SLC35A5: variants seen among roughly 807,000 people sequenced by gnomAD.
The protein encoded by SLC35A5 is UDP-sugar transporter protein SLC35A5.
In SLC35A5, 28 loss-of-function variants were observed where a neutral mutation model predicts 36.3. That is an observed-to-expected ratio of 0.77 (90% CI 0.57 to 1.06). The LOEUF (loss-of-function observed/expected upper bound fraction) is 1.06. SLC35A5 is among the 50% of genes least tolerant of loss of function. The pLI is 0.00. For synonymous variants in SLC35A5, 180 were observed against 173.7 expected (o/e 1.04, Z -0.29); for missense variants, 521 against 499.3 (o/e 1.04, Z -0.41).
Position 112,584,637 on chromosome 3 carries a change from C to G in SLC35A5, c.*1901C>G, listed in dbSNP as rs1289486656. On this transcript the variant is annotated 3_prime_UTR_variant, in exon 7 of 7. Coordinates refer to ENST00000492406, the MANE Select transcript of SLC35A5 (RefSeq NM_017945.5). The stretch of plus-strand genomic sequence containing the variant: ...AAGAGAAAGAGTGAGAGCACAAGAT[C>G]ATGTGCTGGAACTAAAAATGTTCTA... The G allele has an allele frequency of 9.2e-5, 14 of 152,134 alleles. No homozygotes were observed. Among genetic ancestry groups the G allele is most frequent in the Admixed American group, 9.2e-4 (14 of 15,268 alleles). 9.4% of individuals were successfully genotyped at this position (152,134 alleles called of 1,614,324 possible).
chr3:112,578,600 T>C (rs570814725), intron 5 of SLC35A5, among the ~76,000 whole-genome samples: 20 of 152,326 alleles, frequency 1.3e-4, no homozygotes, highest in Admixed American at 2.0e-4. Flanking sequence ...TACAGGGTAA[T>C]TTATTAAGCT....
At chr3:112,574,004 G>A (rs764402600) in intron 5 of SLC35A5, 48 bp downstream of exon 5, 9 of 1,498,594 alleles carry the variant, frequency 6.0e-6, no homozygotes, top group Non-Finnish European at 8.4e-6. Flanking sequence ...AAATAACATA[G>A]CCCGGTTTCA....
intron 5 of SLC35A5, among the ~76,000 whole-genome samples, chr3:112,575,307 A>G (rs1934616988): frequency 6.6e-6 from 1 of 152,168 alleles, no homozygotes; most frequent in Admixed American, 6.5e-5. Context: ...TGTATAATAT[A>G]AAAATATTAC....
rs766250600 is a variant in SLC35A5, at chr3:112,569,180, A to G, written c.140A>G (p.Tyr47Cys). 1.9e-6 allele frequency: 3 copies of G among 1,612,252 alleles called. No individual in the cohort carries two copies. Among genetic ancestry groups the G allele is most frequent in the African/African-American group, 2.7e-5 (2 of 74,878 alleles). The change falls in exon 3 of 7, where the codon TAT becomes TGT. Residue 47 changes from tyrosine to cysteine, a missense_variant. By Grantham distance (194) the Tyr-to-Cys change is radical (BLOSUM62 -2). Coordinates refer to ENST00000492406, the MANE Select transcript of SLC35A5 (RefSeq NM_017945.5). ...TTCTGTTACATTTCAGAAAACAAGTATGATTATCTTCCAACTACTGTGAAT... is the reference window on the plus strand; with the variant it reads ...TTCTGTTACATTTCAGAAAACAAGTGTGATTATCTTCCAACTACTGTGAAT... ...VKYSANEENK[Y>C]DYLPTTVNVC...
In SLC35A5 at chr3:112,581,112, A is replaced by G. The variant is rs1312215974; in HGVS notation, c.995A>G (p.His332Arg). Residue 332 changes from histidine to arginine, a missense_variant, in exon 6 of 7, where the codon CAT becomes CGT. By Grantham distance (29) the His-to-Arg change is conservative. Coordinates refer to ENST00000492406, the MANE Select transcript of SLC35A5 (RefSeq NM_017945.5). ...CTGAAGTTCCTGGATAACATGTTCC[A>G]TGTCTTGATGGCCCAGGTTACCACT... ...FILKFLDNMF[H>R]VLMAQVTTVI... is the part of the protein sequence containing the mutation. 6.2e-7 allele frequency: 1 copy of G among 1,613,850 alleles called. No homozygotes were observed. Among genetic ancestry groups the G allele is most frequent in the Admixed American group, 1.7e-5 (1 of 59,988 alleles).
intron 4 of SLC35A5, among the ~76,000 whole-genome samples, chr3:112,573,470 T>TA (rs1290616519): frequency 6.6e-6 from 1 of 152,156 alleles, no homozygotes; most frequent in South Asian, 2.1e-4. Flanking sequence ...TAAAGATGCT[T>TA]AAAAAAATCT....
chr3:112,570,719 A>T, intron 4 of SLC35A5, 49 bp downstream of exon 4: 2 of 1,481,826 alleles, frequency 1.3e-6, no homozygotes, highest in Non-Finnish European at 1.8e-6. Context: ...ACAGAGAAAT[A>T]AATCCCAGAA....
At chr3:112,577,534 A>G (rs941696028) in intron 5 of SLC35A5, among the ~76,000 whole-genome samples, 3 of 152,206 alleles carry the variant, frequency 2.0e-5, no homozygotes, top group African/African-American at 4.8e-5. Context: ...AAGTTGCACA[A>G]TTTTGTTTGC....
At chr3:112,569,312 C>CA (rs763581525) in intron 3 of SLC35A5, 43 bp downstream of exon 3, 2 of 1,465,608 alleles carry the variant, frequency 1.4e-6, no homozygotes, top group Non-Finnish European at 1.9e-6. Context: ...ATCATAGGAC[C>CA]AAAAAATGTT....
Position 112,569,122 on chromosome 3 carries a change from A to G in SLC35A5, c.131-49A>G, listed in dbSNP as rs111745705. 30 of 1,420,054 alleles carry G rather than the reference A, an allele frequency of 2.1e-5. No homozygotes were observed. The African/African-American group carries it at 3.4e-4, about 16-fold the overall frequency. The allele number at this position is 1,420,054 out of a possible 1,614,324, so 88.0% of individuals were successfully genotyped here. On this transcript the variant is annotated intron_variant, in intron 2 of 6. Transcript: ENST00000492406. ...CAATTATGTTATACTGTATATAAACATACATGGAATAAAATATATAGTTAA... is the reference window on the plus strand; with the variant it reads ...CAATTATGTTATACTGTATATAAACGTACATGGAATAAAATATATAGTTAA...
chr3:112,573,026 T>G (rs892609587), intron 4 of SLC35A5, among the ~76,000 whole-genome samples: 2 of 152,188 alleles, frequency 1.3e-5, no homozygotes, highest in Non-Finnish European at 2.9e-5. Context: ...GTTATATTCT[T>G]GGAGTTGTTG....
chr3:112,563,746 A>T (rs1191507383), intron 2 of SLC35A5, among the ~76,000 whole-genome samples: 1 of 152,276 alleles, frequency 6.6e-6, no homozygotes, highest in Non-Finnish European at 1.5e-5. Context: ...CAGATACAAA[A>T]ATCAAACCCT....
chr3:112,580,064 T>G (rs1208247851), intron 5 of SLC35A5, among the ~76,000 whole-genome samples: 1 of 152,224 alleles, frequency 6.6e-6, no homozygotes, highest in African/African-American at 2.4e-5. Context: ...CTCCTTTAAA[T>G]CTTTTTTGGG....
chr3:112,570,292 T>G, intron 3 of SLC35A5: 1 of 269,336 alleles, frequency 3.7e-6, no homozygotes, highest in Non-Finnish European at 6.9e-6. Context: ...AACCACATAT[T>G]TATTCTGAGT....
chr3:112,566,576 A>G (rs958679306), intron 2 of SLC35A5, among the ~76,000 whole-genome samples: 5 of 152,264 alleles, frequency 3.3e-5, no homozygotes. Context: ...AGACATCATT[A>G]GCGAGATGGG....
chr3:112,564,300 T>TA (rs1208342943), intron 2 of SLC35A5: 1 of 152,156 alleles, frequency 6.6e-6, no homozygotes, highest in African/African-American at 2.4e-5. Flanking sequence ...GGCAGGATCA[T>TA]AGGATAGTAG....
chr3:112,561,513 T>C (rs747708614), upstream of SLC35A5: 1 of 1,583,558 alleles, frequency 6.3e-7, no homozygotes, highest in Non-Finnish European at 8.6e-7. Flanking sequence ...TTCACAGTAT[T>C]AATCACATTC....
intron 6 of SLC35A5, 36 bp from the exon 7 acceptor site, chr3:112,582,635 T>G (rs767543206): frequency 6.4e-7 from 1 of 1,551,030 alleles, no homozygotes; most frequent in Non-Finnish European, 8.9e-7. Context: ...ACATTTCCAG[T>G]TTTGTTCTAA....
intron 2 of SLC35A5, among the ~76,000 whole-genome samples, chr3:112,568,096 G>A (rs1423205018): frequency 2.0e-5 from 3 of 152,222 alleles, no homozygotes; most frequent in Non-Finnish European, 4.4e-5. Flanking sequence ...TCCATTTCTT[G>A]TAAGGATCTT....
Sources: gnomAD v4.1 joint callset for allele counts (sites outside exome capture counted in the v4.1 genomes callset) on GRCh38, gnomAD v4.1.1 for gene constraint, MANE v1.5 for transcripts, NCBI Gene and HGNC (gene_info 2026-07-23, HGNC 2026-07-21) for gene names.